Variants in DPYD observed in about 807,000 individuals in gnomAD.
DPYD encodes dihydropyrimidine dehydrogenase.
A neutral mutation model predicts 116.2 loss-of-function variants in DPYD; 109 were observed. The observed-to-expected ratio is 0.94, with a 90% CI of 0.80 to 1.10. The LOEUF is 1.10. Ranked by LOEUF, DPYD falls within the 50% of genes least tolerant of loss-of-function variation. The pLI, the probability that DPYD is intolerant of heterozygous loss-of-function variation, is 0.00. For synonymous variants in DPYD, 440 were observed against 432.0 expected (o/e 1.02, Z -0.23); for missense variants, 1,302 against 1,254.5 (o/e 1.04, Z -0.57).
chr1:97,448,525 CATT>C (rs1434070129), intron 14 of DPYD, among the ~76,000 whole-genome samples: 1 of 151,952 alleles, frequency 6.6e-6, no homozygotes, highest in African/African-American at 2.4e-5. Flanking sequence ...ATATTATAAC[CATT>C]ATTATTATGT....
chr1:97,691,848 T>A (rs1157096916), intron 6 of DPYD, 50 bp from the exon 7 acceptor site: 2 of 1,453,430 alleles, frequency 1.4e-6, no homozygotes, highest in Admixed American at 3.4e-5. Flanking sequence ...AAATGACCAA[T>A]CTTTGACCAA....
At chr1:97,393,364 T>C (rs1440036201) in intron 14 of DPYD, among the ~76,000 whole-genome samples, 1 of 152,044 alleles carries the variant, frequency 6.6e-6, no homozygotes, top group African/African-American at 2.4e-5. Flanking sequence ...TACATATGTA[T>C]ACATGTGCCA....
chr1:97,440,795 G>A (rs992172575), intron 14 of DPYD, among the ~76,000 whole-genome samples: 1 of 152,044 alleles, frequency 6.6e-6, no homozygotes, highest in Admixed American at 6.6e-5. Context: ...TTACAATTCT[G>A]GTGGTCTTTA....
At chr1:97,488,789 A>G (rs771499152) in intron 13 of DPYD, among the ~76,000 whole-genome samples, 2 of 152,166 alleles carry the variant, frequency 1.3e-5, no homozygotes, top group Non-Finnish European at 2.9e-5. Flanking sequence ...ACAACCCAAC[A>G]ATCCAGGAGT....
intron 18 of DPYD, among the ~76,000 whole-genome samples, chr1:97,255,654 A>G (rs1259469037): frequency 6.6e-6 from 1 of 151,580 alleles, no homozygotes; most frequent in Non-Finnish European, 1.5e-5. Flanking sequence ...GTATGTCTTT[A>G]TCAGCAATAT....
intron 2 of DPYD, among the ~76,000 whole-genome samples, chr1:97,828,424 A>G (rs1490395366): frequency 6.6e-6 from 1 of 152,184 alleles, no homozygotes; most frequent in Non-Finnish European, 1.5e-5. Context: ...CAATTTTTCA[A>G]AGTGGAGTTT....
At chr1:97,277,691 C>T (rs1325968790) in intron 18 of DPYD, among the ~76,000 whole-genome samples, 2 of 152,192 alleles carry the variant, frequency 1.3e-5, no homozygotes, top group African/African-American at 4.8e-5. Flanking sequence ...CTGGTCTAAA[C>T]CACAACTGTC....
At chr1:97,819,666 T>C (rs1668818200) in intron 3 of DPYD, among the ~76,000 whole-genome samples, 1 of 152,098 alleles carries the variant, frequency 6.6e-6, no homozygotes, top group African/African-American at 2.4e-5. Context: ...GCTTTATATT[T>C]ACTTTGTAAA....
intron 12 of DPYD, among the ~76,000 whole-genome samples, chr1:97,533,729 T>A (rs1432081221): frequency 1.3e-5 from 2 of 152,194 alleles, no homozygotes; most frequent in Non-Finnish European, 2.9e-5. Flanking sequence ...CAATACTTGC[T>A]CTTGTGTTAA....
chr1:97,232,698 G>A (rs1202961433), intron 19 of DPYD, among the ~76,000 whole-genome samples: 1 of 151,854 alleles, frequency 6.6e-6, no homozygotes, highest in African/African-American at 2.4e-5. Flanking sequence ...TTACTATTGA[G>A]CACATCAGCT....
In DPYD at chr1:97,536,496, A is replaced by G. The variant is rs1476041714; in HGVS notation, c.1524+13064T>C. ...AGTTGGAAAGGTTTAGAGAAGAAGA[A>G]GTCAGCTCTGTTGATAAGATTGTTT... is the stretch of plus-strand genomic sequence containing the variant. On this transcript the variant is annotated intron_variant, in intron 12 of 22. Coordinates refer to ENST00000370192, the MANE Select transcript of DPYD (RefSeq NM_000110.4). Among the ~76,000 whole-genome samples the G allele has an allele frequency of 2.0e-5, 3 of 152,320 alleles. No individual in the cohort carries two copies. The East Asian group carries it at 5.8e-4, about 29-fold the overall frequency.
chr1:97,244,564 A>C (rs1437673014), intron 18 of DPYD, among the ~76,000 whole-genome samples: 1 of 152,084 alleles, frequency 6.6e-6, no homozygotes, highest in Non-Finnish European at 1.5e-5. Context: ...AAGTTGGTTT[A>C]GTTTCCATGG....
intron 13 of DPYD, among the ~76,000 whole-genome samples, chr1:97,459,182 T>C (rs1415200880): frequency 1.3e-5 from 2 of 151,872 alleles, no homozygotes; most frequent in African/African-American, 4.8e-5. Context: ...AAAAATAATA[T>C]GGAAAATTAA....
intron 3 of DPYD, among the ~76,000 whole-genome samples, chr1:97,762,428 G>GT (rs1370132983): frequency 6.6e-6 from 1 of 152,132 alleles, no homozygotes; most frequent in Admixed American, 6.5e-5. Flanking sequence ...TAAGGAATGA[G>GT]TAGCAGGTTA....
chr1:97,756,281 T>G (rs1234549856), intron 3 of DPYD, among the ~76,000 whole-genome samples: 1 of 152,166 alleles, frequency 6.6e-6, no homozygotes, highest in African/African-American at 2.4e-5. Context: ...TCTCCATAGA[T>G]ACCCCATTTG....
At chr1:97,379,932 C>T (rs1260702490) in intron 15 of DPYD, among the ~76,000 whole-genome samples, 1 of 152,196 alleles carries the variant, frequency 6.6e-6, no homozygotes, top group Non-Finnish European at 1.5e-5. Flanking sequence ...GGCTCCATTT[C>T]CTTGTGAAGT....
chr1:97,631,420 G>C (rs1657253531), intron 8 of DPYD, among the ~76,000 whole-genome samples: 1 of 152,052 alleles, frequency 6.6e-6, no homozygotes, highest in Non-Finnish European at 1.5e-5. Flanking sequence ...CTTGGGCCTT[G>C]CTCTACCTTG....
chr1:97,110,102 C>T (rs1651482429), intron 20 of DPYD, among the ~76,000 whole-genome samples: 2 of 151,954 alleles, frequency 1.3e-5, no homozygotes, highest in South Asian at 4.1e-4. Flanking sequence ...TACTGTTTTG[C>T]CCAACAATAC....
At chr1:97,245,251 T>G (rs1036109516) in intron 18 of DPYD, among the ~76,000 whole-genome samples, 15 of 152,108 alleles carry the variant, frequency 9.9e-5, no homozygotes, top group Non-Finnish European at 1.6e-4. Flanking sequence ...TGTGGTTAGA[T>G]AATGCATTAC....
Sources: allele counts gnomAD v4.1 joint callset (sites outside exome capture counted in the v4.1 genomes callset), GRCh38; gene constraint gnomAD v4.1.1; transcripts MANE v1.5; gene names NCBI Gene and HGNC (gene_info 2026-07-23, HGNC 2026-07-21).